PLXNA4: variants seen among roughly 807,000 people sequenced by gnomAD.
PLXNA4 encodes plexin-A4.
In PLXNA4, 44 loss-of-function variants were observed where a neutral mutation model predicts 191.8. The ratio of observed to expected loss-of-function variants is 0.23; its 90% CI spans 0.18 to 0.29. The LOEUF (loss-of-function observed/expected upper bound fraction) is 0.29, where lower values mean the gene tolerates loss of function less well. Ranked by LOEUF, PLXNA4 falls within the 10% of genes least tolerant of loss-of-function variation. The pLI is 1.00. For missense variants in PLXNA4, 1,800 were observed against 2,488.8 expected (o/e 0.72, Z 5.89); for synonymous variants, 1,082 against 1,009.5 (o/e 1.07, Z -1.36).
rs73724007 is a variant in PLXNA4, at chr7:132,454,631, T to C, written c.1371+34661A>G. Among the ~76,000 whole-genome samples, 451 of 152,138 alleles carry C rather than the reference T, an allele frequency of 3.0e-3. 6 individuals are homozygous for C. The highest frequency in any genetic ancestry group is 0.011 in the African/African-American group (438 of 41,494). ...CTCTGAATGTGACTGTATTTGGAGA[T>C]AGGGTCTTTAAAGAGGTCATTCAGT... On this transcript the variant is annotated intron_variant, in intron 3 of 31. Coordinates refer to ENST00000321063, the MANE Select transcript of PLXNA4 (RefSeq NM_020911.2).
chr7:132,307,326 A>G (rs947333214), intron 3 of PLXNA4, among the ~76,000 whole-genome samples: 1 of 152,060 alleles, frequency 6.6e-6, no homozygotes, highest in African/African-American at 2.4e-5. Flanking sequence ...CCCTTCTGAC[A>G]TACTGTGTCC....
At position 132,596,690 on chromosome 7, in the gene PLXNA4, T is replaced by A. The variant is rs1419446769; in HGVS notation, c.-87+49238A>T. ...TCAGACCCCTAGGTTGGCTCCATGC[T>A]AGAGTCCTAGAGCTCATTTTAGGGG... On this transcript the variant is annotated intron_variant, in intron 2 of 4. Coordinates refer to the PLXNA4 transcript ENST00000378539. 2.0e-5 allele frequency among the ~76,000 whole-genome samples: 3 copies of A among 152,268 alleles called. No individual in the cohort carries two copies. The East Asian group carries it at 5.8e-4, about 29-fold the overall frequency.
chr7:132,191,835 C>CAA (rs959196340), intron 14 of PLXNA4, among the ~76,000 whole-genome samples: 1 of 143,232 alleles, frequency 7.0e-6, no homozygotes, highest in Non-Finnish European at 1.5e-5. Context: ...TATATATATA[C>CAA]ACACACACAC....
chr7:132,211,911 T>TGGG (rs1398299813), intron 9 of PLXNA4, among the ~76,000 whole-genome samples: 1 of 152,092 alleles, frequency 6.6e-6, no homozygotes, highest in Non-Finnish European at 1.5e-5. Context: ...CAGGGAGGGC[T>TGGG]GGGGACATAA....
chr7:132,385,972 C>T (rs1049118784), intron 3 of PLXNA4, among the ~76,000 whole-genome samples: 1 of 152,218 alleles, frequency 6.6e-6, no homozygotes, highest in African/African-American at 2.4e-5. Context: ...GATCATTCAA[C>T]ACATGGTTAT....
chr7:132,181,746 G>A, intron 17 of PLXNA4, 126 bp from the exon 18 acceptor site: 1 of 1,459,374 alleles, frequency 6.9e-7, no homozygotes, highest in Non-Finnish European at 9.0e-7. Context: ...TTAGAGATGA[G>A]TCAGGGCCAC....
intron 4 of PLXNA4, among the ~76,000 whole-genome samples, chr7:132,266,814 G>C (rs1250823495): frequency 6.6e-6 from 1 of 152,188 alleles, no homozygotes; most frequent in Non-Finnish European, 1.5e-5. Context: ...GACATTTCTA[G>C]GGTACAGTCT....
chr7:132,331,942 C>T (rs1225178181), intron 3 of PLXNA4, among the ~76,000 whole-genome samples: 1 of 152,122 alleles, frequency 6.6e-6, no homozygotes, highest in Non-Finnish European at 1.5e-5. Flanking sequence ...GGTCCTAGAC[C>T]CTGCTCAGAT....
chr7:132,455,576 G>A (rs1252314894), intron 3 of PLXNA4, among the ~76,000 whole-genome samples: 2 of 152,138 alleles, frequency 1.3e-5, no homozygotes, highest in Admixed American at 1.3e-4. Context: ...CCTGTCTGTT[G>A]GGAGCCCGCG....
intron 3 of PLXNA4, among the ~76,000 whole-genome samples, chr7:132,309,504 C>T (rs1801647867): frequency 1.3e-5 from 2 of 152,288 alleles, no homozygotes; most frequent in South Asian, 4.1e-4. Context: ...ATCTCTGCCC[C>T]CACACATGGG....
intron 3 of PLXNA4, among the ~76,000 whole-genome samples, chr7:132,374,482 A>T (rs985817264): frequency 6.6e-6 from 1 of 152,148 alleles, no homozygotes; most frequent in Admixed American, 6.5e-5. Flanking sequence ...CAAAGGCTGG[A>T]GGGAAGGAAA....
At chr7:132,491,492 G>T (rs1249812682) in intron 2 of PLXNA4, among the ~76,000 whole-genome samples, 1 of 152,188 alleles carries the variant, frequency 6.6e-6, no homozygotes, top group Non-Finnish European at 1.5e-5. Flanking sequence ...CAGTCAGAGC[G>T]AAAACGGGGA....
intron 4 of PLXNA4, among the ~76,000 whole-genome samples, chr7:132,264,759 G>A (rs867828986): frequency 3.4e-5 from 5 of 147,674 alleles, no homozygotes; most frequent in South Asian, 2.3e-4. Context: ...GTGCAATGGC[G>A]CCATCTCGGC....
At chr7:132,227,811 G>T (rs1167599590) in intron 6 of PLXNA4, among the ~76,000 whole-genome samples, 1 of 152,166 alleles carries the variant, frequency 6.6e-6, no homozygotes, top group East Asian at 1.9e-4. Flanking sequence ...AGAGACAAAA[G>T]AAACCTCATT....
chr7:132,247,688 C>T (rs1187885125), intron 4 of PLXNA4, among the ~76,000 whole-genome samples: 1 of 152,194 alleles, frequency 6.6e-6, no homozygotes, highest in South Asian at 2.1e-4. Context: ...CCTTTCCAAG[C>T]TTTATTTCTG....
intron 4 of PLXNA4, among the ~76,000 whole-genome samples, chr7:132,278,829 G>A (rs1800373290): frequency 6.6e-6 from 1 of 152,160 alleles, no homozygotes; most frequent in Non-Finnish European, 1.5e-5. Context: ...TTTGCCTGAG[G>A]TTTATGTCTA....
chr7:132,264,390 G>GAGA (rs1431387368), intron 4 of PLXNA4: 2 of 152,230 alleles, frequency 1.3e-5, no homozygotes, highest in African/African-American at 4.8e-5. Flanking sequence ...GGGGCTTAGG[G>GAGA]AGTAGTAGCA....
chr7:132,155,738 C>T lies in PLXNA4; in HGVS notation c.4660+3735G>A, dbSNP rs77912180. ...TCCAACACATTGCAGTGAAGGTGGG[C>T]CCTGCGGTTTCTGGGATAGTTAATT... On this transcript the variant is annotated intron_variant, in intron 25 of 31. Coordinates refer to ENST00000321063, the MANE Select transcript of PLXNA4 (RefSeq NM_020911.2). Among the ~76,000 whole-genome samples the T allele has an allele frequency of 1.7e-3, 262 of 152,286 alleles. 2 individuals are homozygous for T. The highest frequency in any genetic ancestry group is 6.1e-3 in the African/African-American group (255 of 41,552).
Position 132,124,745 on chromosome 7 carries a change from G to A in PLXNA4, c.*5734C>T, listed in dbSNP as rs2116462308. ...CAGAGAGCCAAGCATAGACATCAAA[G>A]CGGGTGGGAATGGAATAAAGTGAGG... On this transcript the variant is annotated 3_prime_UTR_variant, in exon 32 of 32. Transcript: ENST00000321063. The A allele has an allele frequency of 6.6e-6, 1 of 152,358 alleles. No homozygotes were observed. Among genetic ancestry groups the A allele is most frequent in the South Asian group, 2.1e-4 (1 of 4,826 alleles). 9.4% of individuals were successfully genotyped at this position (152,358 alleles called of 1,614,324 possible).
Sources: gnomAD v4.1 joint callset for allele counts (sites outside exome capture counted in the v4.1 genomes callset) on GRCh38, gnomAD v4.1.1 for gene constraint, MANE v1.5 for transcripts, NCBI Gene and HGNC (gene_info 2026-07-23, HGNC 2026-07-21) for gene names.